THSD7A: variants seen among roughly 807,000 people sequenced by gnomAD.
THSD7A encodes thrombospondin type 1 domain containing 7A.
A neutral mutation model predicts 231.3 loss-of-function variants in THSD7A; 96 were observed. The ratio of observed to expected loss-of-function variants is 0.41; its 90% confidence interval spans 0.35 to 0.49. The LOEUF (loss-of-function observed/expected upper bound fraction) is 0.49, where lower values mean the gene tolerates loss of function less well. Ranked by LOEUF, THSD7A falls within the 20% of genes least tolerant of loss-of-function variation. The pLI, the probability that THSD7A is intolerant of heterozygous loss-of-function variation, is 0.05. For synonymous variants in THSD7A, 940 were observed against 743.3 expected (o/e 1.26, Z -4.30); for missense variants, 2,290 against 2,070.2 (o/e 1.11, Z -2.06).
At chr7:11,700,400 C>T (rs569570829) in intron 1 of THSD7A, among the ~76,000 whole-genome samples, 1 of 151,104 alleles carries the variant, frequency 6.6e-6, no homozygotes, top group East Asian at 2.0e-4. Flanking sequence ...TTACGTAATT[C>T]TATTTTTCCC....
At position 11,541,568 on chromosome 7, in the gene THSD7A, T is replaced by C. The variant is rs2128322760; in HGVS notation, c.1673A>G (p.Asn558Ser). 1.2e-6 allele frequency: 2 copies of C among 1,613,940 alleles called. No homozygotes were observed. The highest frequency in any genetic ancestry group is 1.6e-4 in the Middle Eastern group (1 of 6,062). The change falls in exon 6 of 28, where the codon AAC (asparagine) becomes AGC (serine). Residue 558 changes from asparagine (N) to serine (S), a missense_variant. Coordinates refer to ENST00000423059, the MANE Select transcript of THSD7A (RefSeq NM_015204.3). ...EPTGGSGVTG[N>S]CPHLLEAIPC... ...AATGGCTTCCAGTAAGTGAGGGCAG[T>C]TTCCGGTTACCCCAGAGCCTCCAGT...
intron 4 of THSD7A, among the ~76,000 whole-genome samples, chr7:11,585,410 A>C (rs1791358469): frequency 6.6e-6 from 1 of 152,152 alleles, no homozygotes; most frequent in Non-Finnish European, 1.5e-5. Context: ...ATATACAGTA[A>C]GTCCTCATTT....
At chr7:11,674,825 T>C (rs895009966) in intron 1 of THSD7A, among the ~76,000 whole-genome samples, 5 of 152,060 alleles carry the variant, frequency 3.3e-5, no homozygotes, top group African/African-American at 1.2e-4. Context: ...TTGAAATGTC[T>C]GAAATAACAG....
At chr7:11,593,686 C>T (rs1349827245) in intron 2 of THSD7A, among the ~76,000 whole-genome samples, 184 bp from the exon 3 acceptor site, 8 of 152,130 alleles carry the variant, frequency 5.3e-5, no homozygotes, top group African/African-American at 1.9e-4. Flanking sequence ...CTAACATTTG[C>T]ATATTCTTCT....
rs1200212385 is a variant in THSD7A, at chr7:11,820,027, C to T, written c.190+11730G>A. 2.6e-5 allele frequency among the ~76,000 whole-genome samples: 4 copies of T among 152,012 alleles called. No individual in the cohort carries two copies. In the East Asian group the frequency reaches 5.8e-4, roughly 22 times the overall value. On this transcript the variant is annotated intron_variant, in intron 1 of 27. Coordinates refer to ENST00000423059, the MANE Select transcript of THSD7A (RefSeq NM_015204.3). ...ATCCAAGCATCGCTCTCCCACCCTA[C>T]CCCTGCCCCCACCCCACACACCAGT...
Position 11,429,075 on chromosome 7 carries a change from T to C in THSD7A, c.3115A>G (p.Ser1039Gly). Reference protein sequence around the residue: ...IIPCPSDCKLSEWSNWSRCSK... With the variant: ...IIPCPSDCKLGEWSNWSRCSK... ...CAGCGCGACCAGTTGGACCACTCAC[T>C]GAGCTTGCAGTCTGAGGGGCAGGGG... Residue 1039 changes from serine to glycine, a missense_variant, in exon 14 of 28, where the codon AGT becomes GGT. Transcript: ENST00000423059. The C allele has an allele frequency of 6.2e-7, 1 of 1,611,944 alleles. No individual in the cohort carries two copies. The highest frequency in any genetic ancestry group is 8.5e-7 in the Non-Finnish European group (1 of 1,179,108).
chr7:11,675,277 C>G (rs1783591037), intron 1 of THSD7A, among the ~76,000 whole-genome samples: 1 of 152,114 alleles, frequency 6.6e-6, no homozygotes, highest in South Asian at 2.1e-4. Flanking sequence ...ACCCACAGAC[C>G]AGCGGTTTCC....
chr7:11,545,958 C>A (rs1323547397), intron 4 of THSD7A, among the ~76,000 whole-genome samples: 1 of 152,120 alleles, frequency 6.6e-6, no homozygotes, highest in Non-Finnish European at 1.5e-5. Context: ...ATCTCAGCAC[C>A]CCCTATCTTC....
chr7:11,560,544 T>C (rs1391706811), intron 4 of THSD7A, among the ~76,000 whole-genome samples: 1 of 152,348 alleles, frequency 6.6e-6, no homozygotes. Context: ...TTACCAATTA[T>C]AGCTTTAGTC....
At chr7:11,527,961 C>T (rs371512446) in intron 6 of THSD7A, among the ~76,000 whole-genome samples, 5 of 152,080 alleles carry the variant, frequency 3.3e-5, no homozygotes, top group South Asian at 2.1e-4. Context: ...GAGACCATCT[C>T]GGGCCATAGA....
intron 4 of THSD7A, among the ~76,000 whole-genome samples, chr7:11,587,569 T>C (rs1779963755): frequency 6.6e-6 from 1 of 152,192 alleles, no homozygotes; most frequent in Non-Finnish European, 1.5e-5. Flanking sequence ...ATAATTCTAC[T>C]GACACAAATA....
At chr7:11,820,519 C>A in intron 1 of THSD7A, 1 of 761,068 alleles carries the variant, frequency 1.3e-6, no homozygotes, top group South Asian at 2.0e-5. Context: ...TAATCTAGGT[C>A]CCACTCCTCT....
chr7:11,749,684 A>G (rs1295257502), intron 1 of THSD7A, among the ~76,000 whole-genome samples: 4 of 151,976 alleles, frequency 2.6e-5, no homozygotes, highest in Non-Finnish European at 5.9e-5. Context: ...CCTTGTAGGT[A>G]TGCTTTCACT....
intron 6 of THSD7A, among the ~76,000 whole-genome samples, chr7:11,498,741 C>T (rs1190187808): frequency 2.0e-5 from 3 of 152,062 alleles, no homozygotes; most frequent in African/African-American, 7.2e-5. Context: ...CAAAAATGTC[C>T]CTACTTCCCT....
chr7:11,434,978 A>C (rs1162780619), intron 13 of THSD7A, among the ~76,000 whole-genome samples: 1 of 151,946 alleles, frequency 6.6e-6, no homozygotes, highest in Non-Finnish European at 1.5e-5. Flanking sequence ...GTACCCAGGC[A>C]AATTTATAGA....
chr7:11,406,450 T>G lies in THSD7A; in HGVS notation c.4087A>C (p.Arg1363=). 2 of 1,612,870 alleles carry G rather than the reference T, an allele frequency of 1.2e-6. No homozygotes were observed. The highest frequency in any genetic ancestry group is 1.7e-6 in the Non-Finnish European group (2 of 1,179,528). The change falls in exon 22 of 28, where the codon AGA becomes CGA. Residue 1363 remains arginine (R), a synonymous_variant. Coordinates refer to ENST00000423059, the MANE Select transcript of THSD7A (RefSeq NM_015204.3). This position sits in a 1 kb window ranked among gnomAD's most constrained non-coding sequence, Gnocchi z 4.7. ...VQEAQCGEGT[R]TRNISCVVSD... ...ACTACACAAGAAATGTTCCTTGTTC[T>G]GGTCCCTTCTCCACACTGGGCCTCC...
chr7:11,509,835 A>AAAAAAAAAAAAC (rs1787727297), intron 6 of THSD7A, among the ~76,000 whole-genome samples: 1 of 147,576 alleles, frequency 6.8e-6, no homozygotes, highest in Non-Finnish European at 1.5e-5. Flanking sequence ...AAAAAAAAAA[A>AAAAAAAAAAAAC]ATAACATCTG....
intron 23 of THSD7A, among the ~76,000 whole-genome samples, chr7:11,389,370 T>C (rs1187828512): frequency 6.6e-6 from 1 of 151,666 alleles, no homozygotes; most frequent in Non-Finnish European, 1.5e-5. Context: ...TCTCTTTTGA[T>C]CTTTGTTGGT....
At chr7:11,594,922 G>A (rs921855164) in intron 2 of THSD7A, among the ~76,000 whole-genome samples, 2 of 152,182 alleles carry the variant, frequency 1.3e-5, no homozygotes, top group African/African-American at 2.4e-5. Flanking sequence ...CTGCAACTTG[G>A]AATGCAGACG....
Sources: gnomAD v4.1 joint callset for allele counts (sites outside exome capture counted in the v4.1 genomes callset) on GRCh38, gnomAD v4.1.1 for gene constraint, Gnocchi (gnomAD v3.1) non-coding constraint, MANE v1.5 for transcripts, NCBI Gene and HGNC (gene_info 2026-07-23, HGNC 2026-07-21) for gene names.